The following DCHS1 variants were observed in gnomAD, a reference collection of about 807,000 sequenced individuals.
DCHS1 encodes the protein dachsous cadherin-related 1.
Under a neutral mutation model 213.9 loss-of-function variants are expected in DCHS1, and 78 were observed. The ratio of observed to expected loss-of-function variants is 0.36; its 90% CI spans 0.30 to 0.44. The LOEUF (loss-of-function observed/expected upper bound fraction) is 0.44. Ranked by LOEUF, DCHS1 falls within the 20% of genes least tolerant of loss-of-function variation. The pLI, the probability that DCHS1 is intolerant of heterozygous loss-of-function variation, is 1.00. For synonymous variants in DCHS1, 1,828 were observed against 1,873.7 expected (o/e 0.98, Z 0.63); for missense variants, 3,946 against 4,395.9 (o/e 0.90, Z 2.89).
intron 1 of DCHS1, among the ~76,000 whole-genome samples, chr11:6,651,842 A>G (rs1455259127): frequency 1.3e-5 from 2 of 152,140 alleles, no homozygotes; most frequent in African/African-American, 4.8e-5. Flanking sequence ...TTGGGGAAGG[A>G]AGGAATGATG....
chr11:6,632,955 C>T lies in DCHS1; in HGVS notation c.2557G>A (p.Asp853Asn). The change falls in exon 6 of 21, where the codon GAC becomes AAC. Residue 853 changes from aspartate to asparagine, a missense_variant. By Grantham distance (23) the Asp-to-Asn change is conservative (BLOSUM62 1). Transcript: ENST00000299441. This position sits in a 1 kb window ranked among gnomAD's most constrained non-coding sequence, Gnocchi z 5.9. ...SGLLQTLRPL[D>N]RELLGPVLEL... ...AACACTGGTCCCAGTAGCTCCCGGT[C>T]CAGAGGGCGAAGTGTTTGCAACAGT... is the stretch of plus-strand genomic sequence containing the variant. 1 of 1,614,028 alleles carries T rather than the reference C, an allele frequency of 6.2e-7. No individual in the cohort carries two copies. Among genetic ancestry groups the T allele is most frequent in the East Asian group, 2.2e-5 (1 of 44,888 alleles).
chr11:6,621,612 G>A lies in DCHS1; in HGVS notation c.*167C>T. 2.5e-6 allele frequency: 2 copies of A among 790,010 alleles called. No individual in the cohort carries two copies. The highest frequency in any genetic ancestry group is 2.7e-5 in the East Asian group (1 of 37,580). The allele number at this position is 790,010 out of a possible 1,614,324, so 48.9% of individuals were successfully genotyped here. On this transcript the variant is annotated 3_prime_UTR_variant, in exon 21 of 21. Coordinates refer to ENST00000299441, the MANE Select transcript of DCHS1 (RefSeq NM_003737.4). ...GTCAGTGAGCAACAGGGCTTCTGTG[G>A]TCCTAGTACTCTGAGGGGGCTGGGG...
In DCHS1 at chr11:6,625,009, G is replaced by C; in HGVS notation, c.7147-141C>G. 1 of 1,408,046 alleles carries C rather than the reference G, an allele frequency of 7.1e-7. No individual in the cohort carries two copies. Among genetic ancestry groups the C allele is most frequent in the Non-Finnish European group, 9.6e-7 (1 of 1,037,638 alleles). The allele number at this position is 1,408,046 out of a possible 1,614,324, so 87.2% of individuals were successfully genotyped here. ...CCCCTACTCCTAAGTATTCGAATGG[G>C]AAATGCCCACCTTCTCCCCTTTCTG... On this transcript the variant is annotated intron_variant, in intron 19 of 20. Transcript: ENST00000299441. The surrounding 1 kb of genome is among the most constrained non-coding windows in gnomAD (Gnocchi z 5.3).
In DCHS1 at chr11:6,627,553, T is replaced by A. The variant is rs770436032; in HGVS notation, c.5486A>T (p.Asp1829Val). 6.2e-7 allele frequency: 1 copy of A among 1,612,744 alleles called. No individual in the cohort carries two copies. The part of the protein sequence containing the change: ...PAFQLRIEAR[D>V]GGQPALSATL... ...GGCACTGAGAGCTGGCTGGCCTCCA[T>A]CCCGGGCCTCTATCCTCAGCTGGAA... Residue 1829 changes from aspartate to valine, a missense_variant, in exon 14 of 21, where the codon GAT becomes GTT. Physicochemically the swap from Asp to Val is radical, Grantham distance 152 (BLOSUM62 -3). This residue lies in a region of DCHS1 where 3,384 missense variants were observed against 3,780.1 expected (regional missense o/e 0.90). Transcript: ENST00000299441. The surrounding 1 kb of genome is among the most constrained non-coding windows in gnomAD (Gnocchi z 5.4).
intron 1 of DCHS1, among the ~76,000 whole-genome samples, chr11:6,651,181 G>A (rs1036361327): frequency 4.6e-5 from 7 of 152,212 alleles, no homozygotes; most frequent in Non-Finnish European, 8.8e-5. Context: ...TGACAACAAC[G>A]AAACACAGAG....
intron 1 of DCHS1, 81 bp downstream of exon 1, chr11:6,655,482 C>T: frequency 1.1e-6 from 1 of 910,130 alleles, no homozygotes. Flanking sequence ...CCCCCGGCTC[C>T]GCCGCCGCTG....
Position 6,632,899 on chromosome 11 carries a change from C to G in DCHS1, c.2613G>C (p.Val871=). The part of the protein sequence containing the change: ...LELEVRAGSG[V]PPAFAVARVR... ...CCCGAGCTACAGCGAAAGCTGGGGG[C>G]ACTCCACTGCCTGCTCGCACCTCCA... Residue 871 remains valine (V), a synonymous_variant, in exon 6 of 21, where the codon GTG becomes GTC. Transcript: ENST00000299441. This position sits in a 1 kb window ranked among gnomAD's most constrained non-coding sequence, Gnocchi z 5.9. 1 of 1,613,968 alleles carries G rather than the reference C, an allele frequency of 6.2e-7. No homozygotes were observed. Among genetic ancestry groups the G allele is most frequent in the South Asian group, 1.1e-5 (1 of 91,080 alleles).
Position 6,631,110 on chromosome 11 carries a change from C to T in DCHS1, c.3873G>A (p.Leu1291=). The change falls in exon 9 of 21, where the codon CTG becomes CTA. Residue 1291 remains leucine, a synonymous_variant. Transcript: ENST00000299441. ...RAERPHYVLT[L]SAHDQGSPPR... ...GAGGGCTGCCTTGGTCATGAGCACT[C>T]AGTGTCAGCACATAGTGGGGCCGCT... 7 of 1,613,410 alleles carry T rather than the reference C, an allele frequency of 4.3e-6. No homozygotes were observed. The highest frequency in any genetic ancestry group is 5.1e-6 in the Non-Finnish European group (6 of 1,179,540).
At position 6,623,723 on chromosome 11, in the gene DCHS1, C is replaced by T. The variant is rs1156776194; in HGVS notation, c.7953G>A (p.Glu2651=). The change falls in exon 21 of 21, where the codon GAG becomes GAA. Residue 2651 remains glutamate, a synonymous_variant. Coordinates refer to ENST00000299441, the MANE Select transcript of DCHS1 (RefSeq NM_003737.4). ...GCAAGGTGCCTGAGCTCTCATCCAG[C>T]TCAAAGAGCCCTGATGGGTCGCCTG... The part of the protein sequence containing the change: ...VSSGDPSGLF[E]LDESSGTLRL... 1 of 1,613,892 alleles carries T rather than the reference C, an allele frequency of 6.2e-7. No homozygotes were observed. The highest frequency in any genetic ancestry group is 2.2e-5 in the East Asian group (1 of 44,888).
In DCHS1 at chr11:6,627,890, A is replaced by G. The variant is rs954424767; in HGVS notation, c.5372-223T>C. Among the ~76,000 whole-genome samples the G allele has an allele frequency of 6.6e-6, 1 of 152,244 alleles. No homozygotes were observed. The highest frequency in any genetic ancestry group is 1.5e-5 in the Non-Finnish European group (1 of 68,046). On this transcript the variant is annotated intron_variant, in intron 13 of 20. Transcript: ENST00000299441. The surrounding 1 kb of genome is among the most constrained non-coding windows in gnomAD (Gnocchi z 5.4). ...AGTCCCCCAAGTCCTTTTCATGTGCATAAGATCAAAATTATTTCATAGCAC... is the reference window on the plus strand; with the variant it reads ...AGTCCCCCAAGTCCTTTTCATGTGCGTAAGATCAAAATTATTTCATAGCAC...
chr11:6,626,503 G>A lies in DCHS1; in HGVS notation c.6364+49C>T. ...AAGGCTCCTCTGATGCAAAGAACCT[G>A]CTTCCCCAGTAGCCTGTCCTGCACA... On this transcript the variant is annotated intron_variant, in intron 15 of 20. Transcript: ENST00000299441. This position sits in a 1 kb window ranked among gnomAD's most constrained non-coding sequence, Gnocchi z 5.2. 1.2e-6 allele frequency: 2 copies of A among 1,607,544 alleles called. No homozygotes were observed. Among genetic ancestry groups the A allele is most frequent in the Non-Finnish European group, 1.7e-6 (2 of 1,174,858 alleles).
In DCHS1 at chr11:6,625,517, C is replaced by T. The variant is rs369060007; in HGVS notation, c.6863-36G>A. 5 of 1,608,308 alleles carry T rather than the reference C, an allele frequency of 3.1e-6. No individual in the cohort carries two copies. In the Admixed American group the frequency reaches 5.2e-5, roughly 17 times the overall value. Reference sequence around the variant, plus strand: ...TGAGACTAGTGTGTTTGGCAATGGACACAGCCCCACCTTGAGCTGCAGGGT... The same window carrying T: ...TGAGACTAGTGTGTTTGGCAATGGATACAGCCCCACCTTGAGCTGCAGGGT... On this transcript the variant is annotated intron_variant, in intron 18 of 20. Coordinates refer to ENST00000299441, the MANE Select transcript of DCHS1 (RefSeq NM_003737.4). This position sits in a 1 kb window ranked among gnomAD's most constrained non-coding sequence, Gnocchi z 5.3.
At position 6,624,356 on chromosome 11, in the gene DCHS1, CA is replaced by C; in HGVS notation, c.7319del (p.Leu2440TrpfsTer52). 6.3e-7 allele frequency: 1 copy of C among 1,575,724 alleles called. No individual in the cohort carries two copies. The highest frequency in any genetic ancestry group is 1.3e-5 in the African/African-American group (1 of 74,216). ...CCACTGCTCCTGACCCGTCATGGCC[CA>C]AGGCCACTGTTCCCACTATTGTGAA... ...TLFTIVGTVA[L>X]GHDGSGAVDV... On this transcript the variant is annotated frameshift_variant, in exon 21 of 21. Transcript: ENST00000299441. LOFTEE classifies it high-confidence loss of function.
Position 6,634,139 on chromosome 11 carries a change from GA to G in DCHS1, c.1964del (p.Phe655SerfsTer3), listed in dbSNP as rs2134634960. The G allele has an allele frequency of 6.2e-7, 1 of 1,606,766 alleles. No individual in the cohort carries two copies. The highest frequency in any genetic ancestry group is 8.5e-7 in the Non-Finnish European group (1 of 1,175,144). On this transcript the variant is annotated frameshift_variant, in exon 3 of 21. Coordinates refer to ENST00000299441, the MANE Select transcript of DCHS1 (RefSeq NM_003737.4). LOFTEE classifies it high-confidence loss of function. ...DRDQGPSSFD[F>X]TVTAVDGGGL... ...TTACCCCATCCACAGCTGTCACTGT[GA>G]AGTCAAAGCTTGAGGGCCCCTGGTC...
Position 6,626,561 on chromosome 11 carries a change from G to A in DCHS1, c.6355C>T (p.Pro2119Ser), listed in dbSNP as rs772150438. 2 of 1,613,824 alleles carry A rather than the reference G, an allele frequency of 1.2e-6. No homozygotes were observed. The highest frequency in any genetic ancestry group is 1.3e-5 in the African/African-American group (1 of 74,926). The change falls in exon 15 of 21, where the codon CCT (proline) becomes TCT (serine). Residue 2119 changes from proline (P) to serine (S), a missense_variant. Physicochemically the swap from Pro to Ser is moderately conservative, Grantham distance 74. Coordinates refer to ENST00000299441, the MANE Select transcript of DCHS1 (RefSeq NM_003737.4). This position sits in a 1 kb window ranked among gnomAD's most constrained non-coding sequence, Gnocchi z 5.2. Reference protein sequence around the residue: ...GNEKGTFSIQPSTGAITVRSA... With the variant: ...GNEKGTFSIQSSTGAITVRSA... The stretch of plus-strand genomic sequence containing the variant: ...TGCTCCTATTTCTTACCTGTACTAG[G>A]CTGGATGGAGAATGTCCCTTTCTCA...
Position 6,622,033 on chromosome 11 carries a change from A to C in DCHS1, c.9643T>G (p.Ser3215Ala), listed in dbSNP as rs1855701301. The C allele has an allele frequency of 6.2e-7, 1 of 1,611,856 alleles. No individual in the cohort carries two copies. Among genetic ancestry groups the C allele is most frequent in the African/African-American group, 1.3e-5 (1 of 74,324 alleles). Residue 3215 changes from serine to alanine, a missense_variant, in exon 21 of 21, where the codon TCT becomes GCT. Physicochemically the swap from Ser to Ala is moderately conservative, Grantham distance 99. This residue lies in a region of DCHS1 where 554 missense variants were observed against 590.2 expected (regional missense o/e 0.94). Transcript: ENST00000299441. This position sits in a 1 kb window ranked among gnomAD's most constrained non-coding sequence, Gnocchi z 5.4. The part of the protein sequence containing the change: ...ITAVAHPGAK[S>A]VPPKPANTAA... ...GTGTTTGCTGGCTTGGGGGGCACAG[A>C]CTTGGCTCCTGGGTGGGCCACGGCA...
chr11:6,655,621 C>T lies in DCHS1; in HGVS notation c.-179G>A. 1.0e-6 allele frequency: 1 copy of T among 979,892 alleles called. No homozygotes were observed. Among genetic ancestry groups the T allele is most frequent in the Non-Finnish European group, 1.2e-6 (1 of 827,736 alleles). 60.7% of individuals were successfully genotyped at this position (979,892 alleles called of 1,614,324 possible). On this transcript the variant is annotated 5_prime_UTR_variant, in exon 1 of 21. Coordinates refer to ENST00000299441, the MANE Select transcript of DCHS1 (RefSeq NM_003737.4). ...GGGGCGCCGTCCGGCCGCGGTCAGC[C>T]CCCCGGGCAGCGCCCGCTCGCGCGG...
In DCHS1 at chr11:6,624,121, C is replaced by G. The variant is rs377121113; in HGVS notation, c.7555G>C (p.Asp2519His). ...ADGSRSHAAVDYSIISGNWGR... is the reference protein window; with the variant it reads ...ADGSRSHAAVHYSIISGNWGR... ...CAGTTGCCACTGATGATGCTGTAGT[C>G]CACAGCGGCATGGCTGCGGCTTCCA... Residue 2519 changes from aspartate to histidine, a missense_variant, in exon 21 of 21, where the codon GAC (aspartate) becomes CAC (histidine). Asp to His is a moderately conservative substitution (Grantham distance 81, BLOSUM62 -1). Transcript: ENST00000299441. 13 of 1,611,654 alleles carry G rather than the reference C, an allele frequency of 8.1e-6. No homozygotes were observed. The highest frequency in any genetic ancestry group is 1.7e-6 in the Non-Finnish European group (2 of 1,179,058).
At position 6,633,853 on chromosome 11, in the gene DCHS1, C is replaced by A. The variant is rs982298547; in HGVS notation, c.2154G>T (p.Gly718=). 1 of 1,613,842 alleles carries A rather than the reference C, an allele frequency of 6.2e-7. No individual in the cohort carries two copies. Among genetic ancestry groups the A allele is most frequent in the African/African-American group, 1.3e-5 (1 of 74,916 alleles). ...CAGCCAGGATATGGTAGGAGAGTCG[C>A]CCATGGGATCCCTGGTCAGGGTCAT... is the stretch of plus-strand genomic sequence containing the variant. ...RAHDPDQGSH[G]RLSYHILAGN... The change falls in exon 4 of 21, where the codon GGG becomes GGT. Residue 718 remains glycine (G), a synonymous_variant. Coordinates refer to ENST00000299441, the MANE Select transcript of DCHS1 (RefSeq NM_003737.4).
Sources: gnomAD v4.1 joint callset for allele counts (sites outside exome capture counted in the v4.1 genomes callset) on GRCh38, gnomAD v4.1.1 for gene constraint, gnomAD v4.1.1 regional missense constraint, Gnocchi (gnomAD v3.1) non-coding constraint, MANE v1.5 for transcripts, NCBI Gene and HGNC (gene_info 2026-07-23, HGNC 2026-07-21) for gene names.